CFAP74: variants seen among roughly 807,000 people sequenced by gnomAD.
CFAP74 encodes the protein cilia and flagella associated protein 74.
CFAP74 carries 124 observed loss-of-function variants against 188.9 expected under a neutral mutation model. The ratio of observed to expected loss-of-function variants is 0.66; its 90% CI spans 0.57 to 0.76. The LOEUF (loss-of-function observed/expected upper bound fraction) is 0.76. Ranked by LOEUF, CFAP74 falls within the 30% of genes least tolerant of loss-of-function variation. The probability of loss-of-function intolerance (pLI) is 0.00; values close to 1 mark genes in which losing one functional copy is unlikely to be tolerated. For missense variants in CFAP74, 2,198 were observed against 2,165.2 expected (o/e 1.02, Z -0.30); for synonymous variants, 956 against 916.7 (o/e 1.04, Z -0.77).
Position 1,930,045 on chromosome 1 carries a change from G to T in CFAP74, c.3288+15C>A, listed in dbSNP as rs1277925394. On this transcript the variant is annotated intron_variant, in intron 26 of 38. Transcript: ENST00000682832. ...AGCTCCTGCTTCCCAGCCTGCATGTGGGGCCCACACCCACCTTTCCTGGCC... is the reference window on the plus strand; with the variant it reads ...AGCTCCTGCTTCCCAGCCTGCATGTTGGGCCCACACCCACCTTTCCTGGCC... The T allele has an allele frequency of 6.7e-7, 1 of 1,496,936 alleles. No homozygotes were observed. Among genetic ancestry groups the T allele is most frequent in the African/African-American group, 1.4e-5 (1 of 72,534 alleles). The allele number at this position is 1,496,936 out of a possible 1,614,324, so 92.7% of individuals were successfully genotyped here. A position where few individuals can be genotyped will look rare whatever the true frequency, so the allele number is the denominator to read the frequency against.
intron 20 of CFAP74, among the ~76,000 whole-genome samples, chr1:1,944,972 T>TA (rs1322594924): frequency 1.3e-5 from 2 of 152,210 alleles, no homozygotes; most frequent in Non-Finnish European, 2.9e-5. Flanking sequence ...ACCAAGTACC[T>TA]ACCAGTCAGC....
In CFAP74 at chr1:1,956,799, G is replaced by T; in HGVS notation, c.1852-15C>A. On this transcript the variant is annotated splice_polypyrimidine_tract_variant and intron_variant, in intron 16 of 38. Transcript: ENST00000682832. ...TCGAGGGACAGCTGCCAGAGGACAT[G>T]GAGTGAACTCAGGGCCACCGTGCCA... is the stretch of plus-strand genomic sequence containing the variant. 3 of 1,609,774 alleles carry T rather than the reference G, an allele frequency of 1.9e-6. No homozygotes were observed. Among genetic ancestry groups the T allele is most frequent in the South Asian group, 1.1e-5 (1 of 90,350 alleles).
At chr1:1,944,199 GCGGC>G (rs1653586493) in intron 21 of CFAP74, 128 bp downstream of exon 21, 1 of 1,437,808 alleles carries the variant, frequency 7.0e-7, no homozygotes, top group African/African-American at 1.4e-5. Flanking sequence ...CAGGCAGGCA[GCGGC>G]TCACCCCGTG....
At chr1:1,970,876 C>A in intron 9 of CFAP74, 60 bp from the exon 10 acceptor site, 2 of 1,589,918 alleles carry the variant, frequency 1.3e-6, no homozygotes, top group South Asian at 2.2e-5. Context: ...TGCACACGCT[C>A]ACACCTGCAC....
intron 18 of CFAP74, chr1:1,953,700 GC>G (rs1654345331): frequency 1.3e-5 from 2 of 153,682 alleles, no homozygotes; most frequent in African/African-American, 2.4e-5. Flanking sequence ...ATGAGCCTCA[GC>G]CCTGACTTCC....
At chr1:1,971,059 TCACACACGCA>T (rs370602440) in intron 9 of CFAP74, among the ~76,000 whole-genome samples, 2,521 of 125,852 alleles carry the variant, frequency 0.02, 101 homozygotes, top group African/African-American at 0.073. Flanking sequence ...ACACACATGC[TCACACACGCA>T]CACCTGCACA....
intron 18 of CFAP74, among the ~76,000 whole-genome samples, chr1:1,949,500 A>T (rs934591027): frequency 4.7e-5 from 7 of 149,130 alleles, no homozygotes; most frequent in African/African-American, 1.5e-4. Flanking sequence ...TTTTTTTTTT[A>T]TTTTTTATTT....
chr1:1,987,826 C>T, intron 4 of CFAP74: 1 of 328,042 alleles, frequency 3.0e-6, no homozygotes, highest in South Asian at 2.4e-5. Flanking sequence ...AGGTGTGAGC[C>T]ACCGCGCCCG....
At chr1:1,976,536 CT>C (rs964126863) in intron 6 of CFAP74, among the ~76,000 whole-genome samples, 1 of 152,050 alleles carries the variant, frequency 6.6e-6, no homozygotes, top group Admixed American at 6.6e-5. Context: ...AATCAAACCT[CT>C]TTTCTTCTTA....
At chr1:1,928,977 C>A in intron 26 of CFAP74, 95 bp from the exon 27 acceptor site, 1 of 754,026 alleles carries the variant, frequency 1.3e-6, no homozygotes, top group South Asian at 1.7e-5. Flanking sequence ...CCGTGGACTC[C>A]CCTCAAGGTC....
chr1:1,993,198 CAAAA>C (rs58970740), intron 1 of CFAP74, among the ~76,000 whole-genome samples: 4 of 90,454 alleles, frequency 4.4e-5, no homozygotes, highest in Non-Finnish European at 4.6e-5. Context: ...AAGACTGTCT[CAAAA>C]AAAAAAAAAA....
At chr1:1,964,307 G>T (rs1385743251) in intron 13 of CFAP74, among the ~76,000 whole-genome samples, 1 of 152,192 alleles carries the variant, frequency 6.6e-6, no homozygotes, top group Admixed American at 6.5e-5. Flanking sequence ...CTACATCCCT[G>T]TCCCGAGGTT....
At position 1,923,940 on chromosome 1, in the gene CFAP74, G is replaced by C; in HGVS notation, c.4235-11C>G. ...TGAGATTCTGCGTCCCTGCGGGTAG[G>C]GTGGGGTGCAGTTTGGCCTTCTCCA... On this transcript the variant is annotated splice_polypyrimidine_tract_variant and intron_variant, in intron 34 of 38. Coordinates refer to ENST00000682832, the MANE Select transcript of CFAP74 (RefSeq NM_001304360.2). The surrounding 1 kb of genome is among the most constrained non-coding windows in gnomAD (Gnocchi z 6.3). 3 of 1,602,492 alleles carry C rather than the reference G, an allele frequency of 1.9e-6. No homozygotes were observed. Among genetic ancestry groups the C allele is most frequent in the Non-Finnish European group, 2.6e-6 (3 of 1,173,962 alleles).
At chr1:2,002,537 C>A (rs1658257838) in intron 1 of CFAP74, among the ~76,000 whole-genome samples, 1 of 150,968 alleles carries the variant, frequency 6.6e-6, no homozygotes, top group South Asian at 2.1e-4. Context: ...AAAAATTAGC[C>A]AGGCATGCTA....
chr1:1,988,824 CCCCCCACCCCCACCCCCA>C, intron 3 of CFAP74, 47 bp downstream of exon 3: 1 of 509,002 alleles, frequency 2.0e-6, no homozygotes. Context: ...CTTCACCCAC[CCCCCCACCCCCACCCCCA>C]CCCCCACCCC....
At chr1:1,965,184 C>T in intron 12 of CFAP74, 123 bp from the exon 13 acceptor site, 1 of 960,854 alleles carries the variant, frequency 1.0e-6, no homozygotes, top group Non-Finnish European at 1.5e-6. Context: ...CCGGCTGCCA[C>T]CAGCGCTGGA....
At position 1,942,819 on chromosome 1, in the gene CFAP74, G is replaced by A. The variant is rs372183203; in HGVS notation, c.2487-663C>T. Among the ~76,000 whole-genome samples, 13 of 152,214 alleles carry A rather than the reference G, an allele frequency of 8.5e-5. No individual in the cohort carries two copies. Among genetic ancestry groups the A allele is most frequent in the Admixed American group, 2.6e-4 (4 of 15,294 alleles). On this transcript the variant is annotated intron_variant, in intron 21 of 38. Coordinates refer to ENST00000682832, the MANE Select transcript of CFAP74 (RefSeq NM_001304360.2). This position sits in a 1 kb window ranked among gnomAD's most constrained non-coding sequence, Gnocchi z 4.3. ...TGCTAAACAGTGTTGTGGCCGCCCC[G>A]CCACAGCTGCCCCGGGCAATCCACG...
In CFAP74 at chr1:1,974,171, C is replaced by T; in HGVS notation, c.528G>A (p.Gln176=). 6.2e-7 allele frequency: 1 copy of T among 1,609,306 alleles called. No homozygotes were observed. Among genetic ancestry groups the T allele is most frequent in the South Asian group, 1.1e-5 (1 of 90,574 alleles). ...SENTMWHIEI[Q]EGRLEAFRTA... ...TCCGGAAGGCCTCGAGTCGCCCCTC[C>T]TGGATCTCGATGTGCCACATGGTGT... The change falls in exon 7 of 39, where the codon CAG becomes CAA. Residue 176 remains glutamine, a synonymous_variant. Coordinates refer to ENST00000682832, the MANE Select transcript of CFAP74 (RefSeq NM_001304360.2).
At chr1:1,960,413 G>A (rs1412907122) in intron 14 of CFAP74, among the ~76,000 whole-genome samples, 1 of 152,244 alleles carries the variant, frequency 6.6e-6, no homozygotes, top group Non-Finnish European at 1.5e-5. Context: ...TGGGACCAGG[G>A]GGCTGTGGGC....
Sources: allele counts gnomAD v4.1 joint callset (sites outside exome capture counted in the v4.1 genomes callset), GRCh38; gene constraint gnomAD v4.1.1; non-coding constraint Gnocchi (gnomAD v3.1); transcripts MANE v1.5; gene names NCBI Gene and HGNC (gene_info 2026-07-23, HGNC 2026-07-21).